FAM117A: variants seen among roughly 807,000 people sequenced by gnomAD.
The protein encoded by FAM117A is protein FAM117A.
A neutral mutation model predicts 44.1 loss-of-function variants in FAM117A; 21 were observed. That is an observed-to-expected ratio of 0.48 (90% CI 0.34 to 0.69). The LOEUF is 0.69. Ranked by LOEUF, FAM117A falls within the 30% of genes least tolerant of loss-of-function variation. The pLI is 0.01. For missense variants in FAM117A, 498 were observed against 589.9 expected (o/e 0.84, Z 1.61); for synonymous variants, 220 against 238.3 (o/e 0.92, Z 0.71).
At chr17:49,752,994 C>T (rs2073683429) in intron 1 of FAM117A, among the ~76,000 whole-genome samples, 3 of 151,962 alleles carry the variant, frequency 2.0e-5, no homozygotes, top group Non-Finnish European at 4.4e-5. Flanking sequence ...TTCCGAGTAG[C>T]TGGGACTAAA....
chr17:49,732,298 GGGA>G (rs1330439076), intron 2 of FAM117A: 5 of 313,880 alleles, frequency 1.6e-5, no homozygotes, highest in Non-Finnish European at 3.1e-5. Flanking sequence ...CCAGCCACTT[GGGA>G]GGATGAGGCA....
At chr17:49,768,397 G>A (rs564216519), upstream of FAM117A, among the ~76,000 whole-genome samples, 3 of 152,274 alleles carry the variant, frequency 2.0e-5, no homozygotes, top group African/African-American at 7.2e-5. Flanking sequence ...ATGACACCCA[G>A]TAGCAATTAT....
At chr17:49,718,650 G>A (rs1404819568) in intron 5 of FAM117A, among the ~76,000 whole-genome samples, 5 of 137,758 alleles carry the variant, frequency 3.6e-5, no homozygotes, top group East Asian at 2.2e-4. Flanking sequence ...CAGCCTGGGC[G>A]ACAGAGCGAG....
chr17:49,734,538 G>A (rs913069249), intron 1 of FAM117A, among the ~76,000 whole-genome samples: 1 of 152,156 alleles, frequency 6.6e-6, no homozygotes, highest in Non-Finnish European at 1.5e-5. Context: ...CTTGCAGTGA[G>A]CCGAGATAGC....
At chr17:49,774,640 G>C (rs1164925238) in intron 1 of FAM117A, among the ~76,000 whole-genome samples, 1 of 152,190 alleles carries the variant, frequency 6.6e-6, no homozygotes, top group Non-Finnish European at 1.5e-5. Context: ...TTACAGGCGT[G>C]AGCCACCGTG....
intron 1 of FAM117A, among the ~76,000 whole-genome samples, chr17:49,753,770 T>TGA (rs768400602): frequency 1.2e-4 from 18 of 152,058 alleles, no homozygotes; most frequent in Non-Finnish European, 2.6e-4. Context: ...GGTAACAGAG[T>TGA]GAGACTCTGT....
intron 1 of FAM117A, among the ~76,000 whole-genome samples, chr17:49,786,776 C>G (rs1159947953): frequency 8.7e-6 from 1 of 114,288 alleles, no homozygotes; most frequent in Non-Finnish European, 1.6e-5. Flanking sequence ...AACCCTGTCT[C>G]AGAAAAAAAA....
At chr17:49,717,261 G>A (rs1367363009) in intron 6 of FAM117A, among the ~76,000 whole-genome samples, 1 of 152,114 alleles carries the variant, frequency 6.6e-6, no homozygotes, top group East Asian at 1.9e-4. Flanking sequence ...GGGATGGCAG[G>A]GATTGCTTCT....
At chr17:49,782,229 T>G (rs1362913584) in intron 1 of FAM117A, among the ~76,000 whole-genome samples, 3 of 150,870 alleles carry the variant, frequency 2.0e-5, no homozygotes, top group Non-Finnish European at 4.4e-5. Flanking sequence ...CAAAAAAAAA[T>G]TAGCCAGTGT....
intron 2 of FAM117A, among the ~76,000 whole-genome samples, chr17:49,724,836 A>AAAAG (rs1317145426): frequency 1.3e-5 from 2 of 151,272 alleles, no homozygotes; most frequent in African/African-American, 4.8e-5. Flanking sequence ...AAAAAAAAAA[A>AAAAG]AAAGAAAGAA....
chr17:49,724,011 C>T (rs1172706282), intron 2 of FAM117A, among the ~76,000 whole-genome samples: 1 of 152,182 alleles, frequency 6.6e-6, no homozygotes, highest in Middle Eastern at 3.2e-3. Flanking sequence ...ACAGCACATC[C>T]TTCAGGCCCA....
intron 1 of FAM117A, among the ~76,000 whole-genome samples, chr17:49,752,999 A>T (rs138410733): frequency 6.6e-6 from 1 of 152,076 alleles, no homozygotes; most frequent in African/African-American, 2.4e-5. Flanking sequence ...AGTAGCTGGG[A>T]CTAAAGGAAG....
chr17:49,729,400 C>T (rs892920221), intron 2 of FAM117A, among the ~76,000 whole-genome samples: 1 of 151,832 alleles, frequency 6.6e-6, no homozygotes, highest in Non-Finnish European at 1.5e-5. Context: ...AAAATAACTA[C>T]TATATTGGTA....
chr17:49,773,640 A>G (rs988754612), intron 1 of FAM117A, among the ~76,000 whole-genome samples: 1 of 152,106 alleles, frequency 6.6e-6, no homozygotes, highest in Non-Finnish European at 1.5e-5. Context: ...TTTAGCTTCA[A>G]ATTAGACCTC....
chr17:49,740,941 G>A (rs2073631836), intron 1 of FAM117A, among the ~76,000 whole-genome samples: 1 of 152,144 alleles, frequency 6.6e-6, no homozygotes, highest in Admixed American at 6.6e-5. Context: ...GATAGACTGT[G>A]GGGTAGAGGC....
chr17:49,787,835 A>G (rs558625530), intron 1 of FAM117A, among the ~76,000 whole-genome samples: 1 of 152,270 alleles, frequency 6.6e-6, no homozygotes, highest in South Asian at 2.1e-4. Context: ...TTCACTAAAA[A>G]CATTCCTTCC....
chr17:49,712,269 A>G (rs1204481823), intron 7 of FAM117A, among the ~76,000 whole-genome samples: 1 of 152,184 alleles, frequency 6.6e-6, no homozygotes, highest in Non-Finnish European at 1.5e-5. Context: ...CACCACTGAC[A>G]TTTTGGGCTG....
intron 2 of FAM117A, among the ~76,000 whole-genome samples, chr17:49,731,022 T>C (rs1196583770): frequency 1.3e-5 from 2 of 152,246 alleles, no homozygotes; most frequent in Admixed American, 6.5e-5. Context: ...CCTCATTTCC[T>C]TATTCTTCAT....
intron 2 of FAM117A, among the ~76,000 whole-genome samples, chr17:49,731,233 A>G (rs2143730673): frequency 1.3e-5 from 2 of 152,350 alleles, no homozygotes; most frequent in East Asian, 3.9e-4. Context: ...TTGCAAAGGA[A>G]GAGCTGACTT....
Sources: gnomAD v4.1 joint callset for allele counts (sites outside exome capture counted in the v4.1 genomes callset) on GRCh38, gnomAD v4.1.1 for gene constraint, MANE v1.5 for transcripts, NCBI Gene and HGNC (gene_info 2026-07-23, HGNC 2026-07-21) for gene names.